Variants in CDK17 observed in about 807,000 individuals in gnomAD.
CDK17 encodes cyclin-dependent kinase 17.
A neutral mutation model predicts 77.6 loss-of-function variants in CDK17; 24 were observed. The ratio of observed to expected loss-of-function variants is 0.31; its 90% CI spans 0.22 to 0.44. CDK17 has a LOEUF of 0.44. Ranked by LOEUF, CDK17 falls within the 20% of genes least tolerant of loss-of-function variation. The probability of loss-of-function intolerance (pLI) is 1.00; values close to 1 mark genes in which losing one functional copy is unlikely to be tolerated. For synonymous variants in CDK17, 203 were observed against 210.4 expected (o/e 0.96, Z 0.30); for missense variants, 429 against 622.5 (o/e 0.69, Z 3.31).
intron 1 of CDK17, among the ~76,000 whole-genome samples, chr12:96,373,603 AAGAG>A (rs1034333549): frequency 6.7e-6 from 1 of 150,078 alleles, no homozygotes; most frequent in African/African-American, 2.5e-5. Flanking sequence ...CTCAGAAGAA[AAGAG>A]AGAGAGAGAA....
At chr12:96,298,115 C>A (rs993489719) in intron 7 of CDK17, among the ~76,000 whole-genome samples, 1 of 151,952 alleles carries the variant, frequency 6.6e-6, no homozygotes, top group East Asian at 1.9e-4. Context: ...AACCCCGTCT[C>A]TACTAAAAAA....
At chr12:96,375,315 C>T (rs967162532) in intron 1 of CDK17, among the ~76,000 whole-genome samples, 3 of 152,010 alleles carry the variant, frequency 2.0e-5, no homozygotes, top group South Asian at 2.1e-4. Context: ...TGGTTTTCTT[C>T]CAACCTCTCT....
chr12:96,307,476 C>T (rs77391301), intron 5 of CDK17, among the ~76,000 whole-genome samples: 12,234 of 152,172 alleles, frequency 0.08, 677 homozygotes, highest in South Asian at 0.18. Flanking sequence ...CCAATTGGAA[C>T]AAATACAACC....
intron 1 of CDK17, among the ~76,000 whole-genome samples, chr12:96,390,489 A>G (rs954012234): frequency 2.7e-5 from 4 of 149,292 alleles, no homozygotes; most frequent in Non-Finnish European, 3.0e-5. Context: ...TGGGTGGATC[A>G]CCTGAGCTCA....
At position 96,341,343 on chromosome 12, in the gene CDK17, A is replaced by ACACG. The variant is rs1491435730; in HGVS notation, c.-29-6479_-29-6478insCGTG. ...TACACACACACACACACACACACAC[A>ACACG]CGTCTCATATATGTACGTGTGTGTA... On this transcript the variant is annotated intron_variant, in intron 1 of 16. Transcript: ENST00000261211. 2.1e-3 allele frequency among the ~76,000 whole-genome samples: 257 copies of ACACG among 121,940 alleles called. 1 individual carries two copies. Among genetic ancestry groups the ACACG allele is most frequent in the African/African-American group, 6.7e-3 (249 of 37,240 alleles). 80.0% of individuals were successfully genotyped at this position (121,940 alleles called of 152,430 possible).
rs1429972249 is a variant in CDK17, at chr12:96,317,227, G to A, written c.284-3773C>T. 6.0e-5 allele frequency among the ~76,000 whole-genome samples: 9 copies of A among 150,356 alleles called. 1 individual carries two copies. The highest frequency in any genetic ancestry group is 8.9e-5 in the Non-Finnish European group (6 of 67,590). ...TATCAGCGATCGAAGATGAAATGAA[G>A]TGAGAAGGGAAGTTTAGAGAAAAAA... is the stretch of plus-strand genomic sequence containing the variant. On this transcript the variant is annotated intron_variant, in intron 3 of 16. Transcript: ENST00000261211.
intron 1 of CDK17, among the ~76,000 whole-genome samples, chr12:96,338,017 A>C (rs1239308392): frequency 6.6e-6 from 1 of 152,202 alleles, no homozygotes. Flanking sequence ...AATATGAATT[A>C]TGGTTAATGC....
chr12:96,297,651 G>C lies in CDK17; in HGVS notation c.786C>G (p.Ser262=), dbSNP rs1204139250. 6.2e-7 allele frequency: 1 copy of C among 1,600,740 alleles called. No homozygotes were observed. The highest frequency in any genetic ancestry group is 8.5e-7 in the Non-Finnish European group (1 of 1,169,674). ...CCAGATACTCAAACACCAAAGTCAA[G>C]GATTTATCTGTGTGAACAATGTCAT... ...TLHDIVHTDK[S]LTLVFEYLDK... is the part of the protein sequence containing the mutation. The change falls in exon 8 of 17, where the codon TCC becomes TCG. Residue 262 remains serine, a synonymous_variant. Transcript: ENST00000261211.
intron 1 of CDK17, chr12:96,335,115 A>G (rs898957686): frequency 1.1e-5 from 6 of 529,352 alleles, no homozygotes; most frequent in Non-Finnish European, 1.8e-5. Context: ...AGCATCACAA[A>G]TAAGTTTAGA....
At chr12:96,335,594 T>C (rs906508415) in intron 1 of CDK17, among the ~76,000 whole-genome samples, 14 of 152,236 alleles carry the variant, frequency 9.2e-5, no homozygotes, top group African/African-American at 3.4e-4. Context: ...CCCTGACTCA[T>C]GTCAAACAAA....
At chr12:96,341,995 G>T (rs1245881177) in intron 1 of CDK17, among the ~76,000 whole-genome samples, 1 of 152,170 alleles carries the variant, frequency 6.6e-6, no homozygotes, top group Non-Finnish European at 1.5e-5. Context: ...GTTTTTAAAT[G>T]ACTAAATGAC....
At chr12:96,309,758 T>G (rs912991976) in intron 5 of CDK17, among the ~76,000 whole-genome samples, 8 of 152,156 alleles carry the variant, frequency 5.3e-5, no homozygotes, top group African/African-American at 1.9e-4. Flanking sequence ...GTGTTCAACT[T>G]AGTCATCAGA....
chr12:96,391,944 C>T (rs1954075441), intron 1 of CDK17, among the ~76,000 whole-genome samples: 1 of 152,130 alleles, frequency 6.6e-6, no homozygotes, highest in African/African-American at 2.4e-5. Context: ...TTCTTGATTG[C>T]TTCTAAGCCT....
intron 1 of CDK17, among the ~76,000 whole-genome samples, chr12:96,374,629 T>C (rs1010520866): frequency 6.6e-6 from 1 of 152,220 alleles, no homozygotes; most frequent in Non-Finnish European, 1.5e-5. Flanking sequence ...TTTAGTCAAA[T>C]GCCCCTTCTT....
rs776119953 is a variant in CDK17 at position 96,286,039 on chromosome 12, A to T, written c.1322+4T>A. The T allele has an allele frequency of 1.3e-6, 2 of 1,488,570 alleles. No homozygotes were observed. The highest frequency in any genetic ancestry group is 1.4e-5 in the African/African-American group (1 of 71,334). The allele number at this position is 1,488,570 out of a possible 1,614,324, so 92.2% of individuals were successfully genotyped here. On this transcript the variant is annotated splice_donor_region_variant and intron_variant, in intron 13 of 16. Transcript: ENST00000261211. ...CCCCCCTTTCACATAAGAAAAAAAA[A>T]TACCTGGGTGCGTGGTTAATTAGAG...
intron 5 of CDK17, among the ~76,000 whole-genome samples, chr12:96,308,366 G>A (rs1056739531): frequency 3.3e-5 from 5 of 151,716 alleles, no homozygotes; most frequent in Admixed American, 6.6e-5. Flanking sequence ...AGCTATGATC[G>A]TGCTACTGCA....
chr12:96,363,216 C>T (rs1020239984), intron 1 of CDK17, among the ~76,000 whole-genome samples: 2 of 151,838 alleles, frequency 1.3e-5, no homozygotes, highest in Admixed American at 6.6e-5. Context: ...TTTGGGAGGC[C>T]GAGACGGGAG....
intron 1 of CDK17, among the ~76,000 whole-genome samples, chr12:96,338,232 T>C (rs747985208): frequency 2.0e-5 from 3 of 152,194 alleles, no homozygotes; most frequent in Admixed American, 1.3e-4. Flanking sequence ...CATGTTGTCA[T>C]AGCCCATGCA....
intron 5 of CDK17, among the ~76,000 whole-genome samples, chr12:96,304,239 T>C (rs1237452227): frequency 6.6e-6 from 1 of 152,100 alleles, no homozygotes; most frequent in Non-Finnish European, 1.5e-5. Flanking sequence ...TGAGTATATA[T>C]TAATACATAA....
Sources: gnomAD v4.1 joint callset for allele counts (sites outside exome capture counted in the v4.1 genomes callset) on GRCh38, gnomAD v4.1.1 for gene constraint, MANE v1.5 for transcripts, NCBI Gene and HGNC (gene_info 2026-07-23, HGNC 2026-07-21) for gene names.